Variants in PALM2AKAP2 observed in about 807,000 individuals in gnomAD.
The protein encoded by PALM2AKAP2 is PALM2-AKAP2 fusion protein.
Under a neutral mutation model 71.5 loss-of-function variants are expected in PALM2AKAP2, and 37 were observed. The ratio of observed to expected loss-of-function variants is 0.52; its 90% CI spans 0.40 to 0.68. PALM2AKAP2 has a LOEUF of 0.68. Among genes scored for constraint, PALM2AKAP2 ranks in the 30% least tolerant of loss-of-function variants. The probability of loss-of-function intolerance (pLI) is 0.00; values close to 1 mark genes in which losing one functional copy is unlikely to be tolerated. For missense variants in PALM2AKAP2, 1,224 were observed against 1,191.8 expected (o/e 1.03, Z -0.40); for synonymous variants, 468 against 478.8 (o/e 0.98, Z 0.29).
chr9:110,165,077 T>G (rs762239708), intron 3 of PALM2AKAP2, among the ~76,000 whole-genome samples: 43 of 151,950 alleles, frequency 2.8e-4, no homozygotes, highest in Non-Finnish European at 4.9e-4. Flanking sequence ...GTTCTTCATA[T>G]AAAAAATGGG....
intron 1 of PALM2AKAP2, among the ~76,000 whole-genome samples, chr9:110,105,198 A>G (rs1835089476): frequency 6.6e-6 from 1 of 152,232 alleles, no homozygotes; most frequent in Admixed American, 6.5e-5. Flanking sequence ...TCAAACGCAT[A>G]TGTTCTCTGT....
rs1335274248 is a variant in PALM2AKAP2 at position 109,755,232 on chromosome 9, C to G, written c.6-25256C>G. On this transcript the variant is annotated intron_variant, in intron 1 of 6. Transcript: ENST00000374531. ...TTCCCTGCTCACACTCCTCCAACAG[C>G]TTCTCATTCAACTGAAATCCAAATT... 1.4e-4 allele frequency among the ~76,000 whole-genome samples: 22 copies of G among 152,092 alleles called. No individual in the cohort carries two copies. In the South Asian group the frequency reaches 4.6e-3, roughly 32 times the overall value.
intron 1 of PALM2AKAP2, among the ~76,000 whole-genome samples, chr9:110,134,105 G>A (rs573648963): frequency 3.8e-4 from 58 of 151,956 alleles, no homozygotes; most frequent in African/African-American, 1.3e-3. Context: ...GCAACATAGC[G>A]AGACTCTATC....
intron 1 of PALM2AKAP2, among the ~76,000 whole-genome samples, chr9:109,784,647 A>G (rs955789026): frequency 2.6e-5 from 4 of 152,234 alleles, no homozygotes; most frequent in African/African-American, 9.7e-5. Flanking sequence ...TATTACTCAT[A>G]TTTTATAGGT....
intron 1 of PALM2AKAP2, among the ~76,000 whole-genome samples, chr9:109,706,424 T>C (rs370490601): frequency 2.0e-5 from 3 of 152,194 alleles, no homozygotes; most frequent in Non-Finnish European, 2.9e-5. Flanking sequence ...GGTAAGGATG[T>C]AGAGAAACCC....
At position 110,131,031 on chromosome 9, in the gene PALM2AKAP2, G is replaced by A. The variant is rs57522104; in HGVS notation, c.157-5096G>A. On this transcript the variant is annotated intron_variant, in intron 1 of 3. Transcript: ENST00000374525. ...TACTGGAGGAAGCCACCTGTGGGGC[G>A]TGGGATCTCTCATTGGATCCTAGAT... Among the ~76,000 whole-genome samples the A allele has an allele frequency of 2.2e-3, 334 of 152,304 alleles. 2 individuals are homozygous for A. The highest frequency in any genetic ancestry group is 7.8e-3 in the African/African-American group (326 of 41,562).
At chr9:109,652,713 C>T (rs1827243528) in intron 1 of PALM2AKAP2, among the ~76,000 whole-genome samples, 3 of 152,056 alleles carry the variant, frequency 2.0e-5, no homozygotes, top group Admixed American at 2.0e-4. Flanking sequence ...TGGTATGTGC[C>T]AGACACTTTT....
intron 1 of PALM2AKAP2, among the ~76,000 whole-genome samples, chr9:109,712,216 TA>T (rs1828253657): frequency 6.6e-6 from 1 of 152,176 alleles, no homozygotes; most frequent in Non-Finnish European, 1.5e-5. Flanking sequence ...GTTCATTGCT[TA>T]CAGGGTAGTT....
chr9:110,101,508 A>T (rs922537129), intron 1 of PALM2AKAP2, among the ~76,000 whole-genome samples: 22 of 152,180 alleles, frequency 1.4e-4, no homozygotes, highest in African/African-American at 5.3e-4. Context: ...AAAGGTAGTC[A>T]CACGCTTTCA....
chr9:109,748,123 G>T (rs528396583), intron 1 of PALM2AKAP2, among the ~76,000 whole-genome samples: 6 of 152,284 alleles, frequency 3.9e-5, no homozygotes, highest in South Asian at 2.1e-4. Context: ...TTTATTCTAG[G>T]ATACTTAGTT....
intron 1 of PALM2AKAP2, among the ~76,000 whole-genome samples, chr9:109,701,049 A>G (rs1262443775): frequency 6.6e-6 from 1 of 152,220 alleles, no homozygotes; most frequent in Non-Finnish European, 1.5e-5. Context: ...TTTAAAGAAT[A>G]TTTTGTATTA....
chr9:110,098,416 A>G (rs1269878148), intron 1 of PALM2AKAP2, among the ~76,000 whole-genome samples: 2 of 152,216 alleles, frequency 1.3e-5, no homozygotes, highest in African/African-American at 4.8e-5. Flanking sequence ...ACATACTGTG[A>G]TGGTTGCACA....
intron 1 of PALM2AKAP2, among the ~76,000 whole-genome samples, chr9:110,056,965 A>T (rs961484214): frequency 6.6e-6 from 1 of 152,144 alleles, no homozygotes; most frequent in African/African-American, 2.4e-5. Flanking sequence ...AAGAGAAGAG[A>T]TCGTTCCCTT....
At chr9:109,781,560 C>G (rs555601465) in intron 1 of PALM2AKAP2, among the ~76,000 whole-genome samples, 2 of 151,994 alleles carry the variant, frequency 1.3e-5, no homozygotes, top group East Asian at 1.9e-4. Context: ...TATATTAAAG[C>G]GTTTTCCAAA....
At chr9:109,797,465 G>A (rs1261570027) in intron 1 of PALM2AKAP2, among the ~76,000 whole-genome samples, 1 of 152,196 alleles carries the variant, frequency 6.6e-6, no homozygotes, top group Non-Finnish European at 1.5e-5. Flanking sequence ...TCCAGCTAGA[G>A]CATGAACTTG....
At chr9:109,872,610 T>C (rs1474423686) in intron 2 of PALM2AKAP2, among the ~76,000 whole-genome samples, 1 of 152,248 alleles carries the variant, frequency 6.6e-6, no homozygotes, top group African/African-American at 2.4e-5. Context: ...ATTGTCATTA[T>C]ATTTGGAAGA....
chr9:109,807,401 A>G (rs1471429657), intron 1 of PALM2AKAP2, among the ~76,000 whole-genome samples: 1 of 152,192 alleles, frequency 6.6e-6, no homozygotes, highest in Non-Finnish European at 1.5e-5. Context: ...CTTATATACA[A>G]CAGAAACTTA....
intron 1 of PALM2AKAP2, among the ~76,000 whole-genome samples, chr9:109,674,363 C>A (rs909952045): frequency 1.3e-5 from 2 of 151,818 alleles, no homozygotes; most frequent in African/African-American, 4.8e-5. Context: ...GGCTACAGGT[C>A]ACATTTTCCT....
chr9:109,882,286 G>GAAA (rs1356678925), intron 3 of PALM2AKAP2, among the ~76,000 whole-genome samples: 3 of 152,172 alleles, frequency 2.0e-5, no homozygotes, highest in Non-Finnish European at 4.4e-5. Flanking sequence ...TCACTAAAGG[G>GAAA]AAAAGCAAGC....
Sources: allele counts gnomAD v4.1 joint callset (sites outside exome capture counted in the v4.1 genomes callset), GRCh38; gene constraint gnomAD v4.1.1; transcripts MANE v1.5; gene names NCBI Gene and HGNC (gene_info 2026-07-23, HGNC 2026-07-21).